Variants in MYT1L observed in about 807,000 individuals in gnomAD.
The protein encoded by MYT1L is myelin transcription factor 1 like, also known as myelin transcription factor 1-like protein.
Under a neutral mutation model 126.7 loss-of-function variants are expected in MYT1L, and 12 were observed. That is an observed-to-expected ratio of 0.09 (90% CI 0.06 to 0.15). The LOEUF is 0.15. MYT1L is among the 10% of genes least tolerant of loss of function. The pLI, the probability that MYT1L is intolerant of heterozygous loss-of-function variation, is 1.00. For synonymous variants in MYT1L, 541 were observed against 604.2 expected (o/e 0.90, Z 1.53); for missense variants, 979 against 1,585.2 (o/e 0.62, Z 6.49).
At chr2:1,817,994 C>A (rs1032415604) in intron 21 of MYT1L, among the ~76,000 whole-genome samples, 12 of 152,300 alleles carry the variant, frequency 7.9e-5, no homozygotes, top group Admixed American at 1.3e-4. Flanking sequence ...AGGCCCCAGA[C>A]GTCTGGCACC....
intron 4 of MYT1L, among the ~76,000 whole-genome samples, chr2:2,038,647 T>A (rs1052203756): frequency 6.6e-6 from 1 of 152,076 alleles, no homozygotes. Context: ...AGAAGTAATG[T>A]GACGTTGCTT....
At position 2,174,308 on chromosome 2, in the gene MYT1L, G is replaced by A. The variant is rs915633529; in HGVS notation, c.-420-1320C>T. Among the ~76,000 whole-genome samples, 5 of 152,242 alleles carry A rather than the reference G, an allele frequency of 3.3e-5. No individual in the cohort carries two copies. In the East Asian group the frequency reaches 9.7e-4, roughly 29 times the overall value. ...CACTGGAAAATCTCTGATAACAATG[G>A]TGTGTTTTATGGCTTTTTCTCAACA... On this transcript the variant is annotated intron_variant, in intron 2 of 24. Coordinates refer to ENST00000647738, the MANE Select transcript of MYT1L (RefSeq NM_001303052.2).
chr2:2,000,344 A>T (rs973632506), intron 4 of MYT1L, among the ~76,000 whole-genome samples: 2 of 152,260 alleles, frequency 1.3e-5, no homozygotes, highest in Admixed American at 6.5e-5. Context: ...CATTTAAAAA[A>T]AATATTTAAA....
intron 3 of MYT1L, among the ~76,000 whole-genome samples, chr2:2,149,455 A>G (rs185341708): frequency 6.6e-6 from 1 of 152,346 alleles, no homozygotes; most frequent in Non-Finnish European, 1.5e-5. Context: ...ACTTGCCCAA[A>G]GCCACCTCGG....
chr2:1,922,375 T>G lies in MYT1L; in HGVS notation c.1394A>C (p.Tyr465Ser). ...EAGRRDNMRS[Y>S]EDQSPRQLPG... ...AAGTTGTCTCGGAGACTGGTCCTCA[T>G]ATGACCTCATATTGTCCCTCCTCCC... Residue 465 changes from tyrosine (Y) to serine (S), a missense_variant, in exon 10 of 25, where the codon TAT becomes TCT. By Grantham distance (144) the Tyr-to-Ser change is moderately radical. Around this residue, in one of 12 missense-constraint regions of MYT1L, gnomAD observed 67 missense variants for 80.3 expected, o/e 0.83. Transcript: ENST00000647738. This position sits in a 1 kb window ranked among gnomAD's most constrained non-coding sequence, Gnocchi z 7.4. 6.2e-7 allele frequency: 1 copy of G among 1,614,010 alleles called. No homozygotes were observed. The highest frequency in any genetic ancestry group is 8.5e-7 in the Non-Finnish European group (1 of 1,179,890).
Position 1,791,089 on chromosome 2 carries a change from C to T in MYT1L, c.*778G>A, listed in dbSNP as rs2032001170. On this transcript the variant is annotated 3_prime_UTR_variant, in exon 25 of 25. Transcript: ENST00000647738. The surrounding 1 kb of genome is among the most constrained non-coding windows in gnomAD (Gnocchi z 6.0). Reference sequence around the variant, plus strand: ...TTTCCATAGTCACAACCATGTAACGCTTAGGAGTTAATTTAAAAGTGCTGT... The same window carrying T: ...TTTCCATAGTCACAACCATGTAACGTTTAGGAGTTAATTTAAAAGTGCTGT... The T allele has an allele frequency of 7.4e-6, 3 of 406,772 alleles. No individual in the cohort carries two copies. The highest frequency in any genetic ancestry group is 1.5e-5 in the Non-Finnish European group (3 of 201,194). The allele number at this position is 406,772 out of a possible 1,614,324, so 25.2% of individuals were successfully genotyped here.
intron 3 of MYT1L, among the ~76,000 whole-genome samples, chr2:2,092,273 G>A (rs2076981197): frequency 6.8e-6 from 1 of 147,638 alleles, no homozygotes; most frequent in African/African-American, 2.6e-5. Flanking sequence ...ATTTCAATAT[G>A]CTTGTCTTAG....
At chr2:1,798,094 C>T (rs547476846) in intron 23 of MYT1L, among the ~76,000 whole-genome samples, 1 of 46,698 alleles carries the variant, frequency 2.1e-5, no homozygotes, top group South Asian at 1.6e-3. Flanking sequence ...GGCACAGGCG[C>T]GGCGGTCTCC....
intron 4 of MYT1L, among the ~76,000 whole-genome samples, chr2:2,037,607 C>A (rs934757530): frequency 1.3e-5 from 2 of 151,506 alleles, no homozygotes; most frequent in African/African-American, 4.8e-5. Flanking sequence ...AATACAAAAA[C>A]TAGCTGGTCA....
chr2:2,182,899 A>G (rs1431794759), intron 2 of MYT1L, among the ~76,000 whole-genome samples: 2 of 152,100 alleles, frequency 1.3e-5, no homozygotes, highest in Non-Finnish European at 2.9e-5. Context: ...CAGGGGAGAG[A>G]AGGAGGGAGG....
rs559507654 is a variant in MYT1L, at chr2:2,072,844, G to A, written c.-303-18721C>T. Among the ~76,000 whole-genome samples, 6 of 152,286 alleles carry A rather than the reference G, an allele frequency of 3.9e-5. No homozygotes were observed. In the South Asian group the frequency reaches 1.2e-3, roughly 32 times the overall value. On this transcript the variant is annotated intron_variant, in intron 3 of 24. Coordinates refer to ENST00000647738, the MANE Select transcript of MYT1L (RefSeq NM_001303052.2). Reference sequence around the variant, plus strand: ...TGCCCCTTTACCATTTGCCATCATTGTAAGTTTCCTGAGGCCTCCTTAGCC... The same window carrying A: ...TGCCCCTTTACCATTTGCCATCATTATAAGTTTCCTGAGGCCTCCTTAGCC...
At chr2:1,952,658 G>A (rs907203537) in intron 8 of MYT1L, among the ~76,000 whole-genome samples, 4 of 145,610 alleles carry the variant, frequency 2.7e-5, no homozygotes, top group African/African-American at 1.0e-4. Flanking sequence ...ACCACCCCCA[G>A]CCATCAGCAC....
At position 1,811,694 on chromosome 2, in the gene MYT1L, C is replaced by T. The variant is rs535224423; in HGVS notation, c.3081-2527G>A. Among the ~76,000 whole-genome samples the T allele has an allele frequency of 4.6e-5, 7 of 152,258 alleles. No homozygotes were observed. The East Asian group carries it at 7.7e-4, about 17-fold the overall frequency. ...TCACCCTGCCTGCTGCTGTTTACAC[C>T]GGAAATCCCTGTGCTACTCAAGCTG... is the stretch of plus-strand genomic sequence containing the variant. On this transcript the variant is annotated intron_variant, in intron 21 of 24. Coordinates refer to ENST00000647738, the MANE Select transcript of MYT1L (RefSeq NM_001303052.2). The surrounding 1 kb of genome is among the most constrained non-coding windows in gnomAD (Gnocchi z 4.4).
At chr2:2,165,230 G>T (rs916092204) in intron 3 of MYT1L, among the ~76,000 whole-genome samples, 1 of 152,088 alleles carries the variant, frequency 6.6e-6, no homozygotes, top group Admixed American at 6.6e-5. Flanking sequence ...ATGCAGTAAG[G>T]TTACTTTGCA....
chr2:1,956,574 T>TCCTA (rs1553355736), intron 8 of MYT1L, among the ~76,000 whole-genome samples: 1 of 101,518 alleles, frequency 9.9e-6, no homozygotes, highest in Non-Finnish European at 1.9e-5. Flanking sequence ...ATATTTCCTA[T>TCCTA]TCTATCTATC....
chr2:1,961,674 G>A (rs1206020679), intron 8 of MYT1L, among the ~76,000 whole-genome samples: 1 of 152,216 alleles, frequency 6.6e-6, no homozygotes, highest in South Asian at 2.1e-4. Context: ...AAATGTCTAT[G>A]ATTTTAAAAT....
At chr2:1,916,830 G>A (rs2052911133) in intron 11 of MYT1L, among the ~76,000 whole-genome samples, 1 of 152,154 alleles carries the variant, frequency 6.6e-6, no homozygotes, top group South Asian at 2.1e-4. Flanking sequence ...CTCTCCTCTG[G>A]GATTCCTGGC....
chr2:1,956,441 C>CTATCTACCTAT lies in MYT1L; in HGVS notation c.153-13108_153-13107insATAGGTAGATA, dbSNP rs1573965981. 6.4e-3 allele frequency among the ~76,000 whole-genome samples: 231 copies of CTATCTACCTAT among 36,324 alleles called. 24 individuals are homozygous for CTATCTACCTAT. Among genetic ancestry groups the CTATCTACCTAT allele is most frequent in the East Asian group, 0.019 (13 of 684 alleles). 23.8% of individuals were successfully genotyped at this position (36,324 alleles called of 152,430 possible). ...ATCTATCTATCTATCTATCTATCTACCTATCATCTATCTATCCTATTCTAT... is the reference window on the plus strand; with the variant it reads ...ATCTATCTATCTATCTATCTATCTACTATCTACCTATCTATCATCTATCTATCCTATTCTAT... On this transcript the variant is annotated intron_variant, in intron 8 of 24. Transcript: ENST00000647738.
chr2:1,876,418 G>A (rs1386364119), intron 18 of MYT1L, among the ~76,000 whole-genome samples: 2 of 151,958 alleles, frequency 1.3e-5, no homozygotes, highest in Admixed American at 1.3e-4. Flanking sequence ...CAGGCCCCCA[G>A]AGCACCCCCA....
Sources: gnomAD v4.1 joint callset for allele counts (sites outside exome capture counted in the v4.1 genomes callset) on GRCh38, gnomAD v4.1.1 for gene constraint, gnomAD v4.1.1 regional missense constraint, Gnocchi (gnomAD v3.1) non-coding constraint, MANE v1.5 for transcripts, NCBI Gene and HGNC (gene_info 2026-07-23, HGNC 2026-07-21) for gene names.